Variants in GRIN2D observed in about 807,000 individuals in gnomAD.
GRIN2D encodes glutamate ionotropic receptor NMDA type subunit 2D, also known as glutamate receptor ionotropic, NMDA 2D.
A neutral mutation model predicts 103.2 loss-of-function variants in GRIN2D; 37 were observed. That is an observed-to-expected ratio of 0.36 (90% confidence interval 0.28 to 0.47). The LOEUF is 0.47. Ranked by LOEUF, GRIN2D falls within the 20% of genes least tolerant of loss-of-function variation. GRIN2D has a pLI of 1.00. For missense variants in GRIN2D, 1,557 were observed against 1,910.6 expected (o/e 0.81, Z 3.45); for synonymous variants, 845 against 885.6 (o/e 0.95, Z 0.81).
intron 11 of GRIN2D, among the ~76,000 whole-genome samples, chr19:48,433,701 A>C (rs1194142505): frequency 6.6e-6 from 1 of 152,222 alleles, no homozygotes; most frequent in Non-Finnish European, 1.5e-5. Context: ...AAAAAAGGAA[A>C]TATCAAGGCC....
Position 48,437,527 on chromosome 19 carries a change from C to G in GRIN2D, c.2253-4242C>G, listed in dbSNP as rs138536705. On this transcript the variant is annotated intron_variant, in intron 11 of 13. Transcript: ENST00000263269. ...CTGAGCAAACCATTGAAAGTGAATG[C>G]TGTTAGAGCTCCTCTTTCTGAAATC... 8.3e-4 allele frequency among the ~76,000 whole-genome samples: 127 copies of G among 152,308 alleles called. 1 individual carries two copies. Among genetic ancestry groups the G allele is most frequent in the African/African-American group, 3.0e-3 (123 of 41,566 alleles).
At chr19:48,411,660 A>G (rs1022660743) in intron 4 of GRIN2D, among the ~76,000 whole-genome samples, 16 of 151,930 alleles carry the variant, frequency 1.1e-4, no homozygotes, top group African/African-American at 3.9e-4. Context: ...ATAATAAATA[A>G]ATAAATAAAT....
chr19:48,400,100 A>G (rs1017638844), intron 3 of GRIN2D, among the ~76,000 whole-genome samples: 11 of 152,210 alleles, frequency 7.2e-5, no homozygotes, highest in African/African-American at 2.7e-4. Context: ...GGGATGGTAG[A>G]GGCTGGAGCT....
rs756151911 is a variant in GRIN2D at position 48,405,227 on chromosome 19, T to C, written c.959T>C (p.Val320Ala). Reference sequence around the variant, plus strand: ...TGGCGGGATGACCTGGCTCGGCGAGTGGCAGCTGGCGTGGCCGTAGTGGCC... The same window carrying C: ...TGGCGGGATGACCTGGCTCGGCGAGCGGCAGCTGGCGTGGCCGTAGTGGCC... The part of the protein sequence containing the change: ...AGWRDDLARR[V>A]AAGVAVVARG... Residue 320 changes from valine (V) to alanine (A), a missense_variant, in exon 4 of 14, where the codon GTG (valine) becomes GCG (alanine). Physicochemically the swap from Val to Ala is moderately conservative, Grantham distance 64. Around this residue, in one of 7 missense-constraint regions of GRIN2D, gnomAD observed 490 missense variants for 601.1 expected, o/e 0.82. Coordinates refer to ENST00000263269, the MANE Select transcript of GRIN2D (RefSeq NM_000836.4). The surrounding 1 kb of genome is among the most constrained non-coding windows in gnomAD (Gnocchi z 5.1). 1.3e-6 allele frequency: 2 copies of C among 1,597,792 alleles called. No homozygotes were observed. The highest frequency in any genetic ancestry group is 2.2e-5 in the South Asian group (2 of 90,094).
chr19:48,398,916 C>CG, intron 3 of GRIN2D, 59 bp downstream of exon 3: 1 of 285,952 alleles, frequency 3.5e-6, no homozygotes, highest in African/African-American at 4.9e-5. Flanking sequence ...CGCTGAGGGG[C>CG]GGGACTGGGA....
intron 4 of GRIN2D, among the ~76,000 whole-genome samples, chr19:48,412,130 T>G (rs1970870444): frequency 6.6e-6 from 1 of 151,000 alleles, no homozygotes; most frequent in Non-Finnish European, 1.5e-5. Context: ...ATCAAGACCA[T>G]CCTGGCTAAC....
chr19:48,429,453 G>A (rs1971130163), intron 11 of GRIN2D, among the ~76,000 whole-genome samples: 1 of 152,124 alleles, frequency 6.6e-6, no homozygotes, highest in South Asian at 2.1e-4. Flanking sequence ...AGGCTGGAGT[G>A]CAGTGGCGTG....
intron 11 of GRIN2D, among the ~76,000 whole-genome samples, chr19:48,441,149 G>A (rs1353024205): frequency 6.7e-6 from 1 of 148,412 alleles, no homozygotes; most frequent in Non-Finnish European, 1.5e-5. Context: ...TGGACCACAA[G>A]GACAGGGGTT....
At chr19:48,409,790 C>CT (rs915799572) in intron 4 of GRIN2D, among the ~76,000 whole-genome samples, 3 of 150,002 alleles carry the variant, frequency 2.0e-5, no homozygotes, top group East Asian at 2.0e-4. Flanking sequence ...TCTTTTTTTT[C>CT]TTTTTTTTGA....
chr19:48,400,442 T>C (rs1437400226), intron 3 of GRIN2D, among the ~76,000 whole-genome samples: 1 of 152,206 alleles, frequency 6.6e-6, no homozygotes, highest in Non-Finnish European at 1.5e-5. Flanking sequence ...CTCCTTGGCA[T>C]GGTACTTTTC....
chr19:48,414,178 AG>A lies in GRIN2D; in HGVS notation c.1200+75del. On this transcript the variant is annotated intron_variant, in intron 5 of 13. Transcript: ENST00000263269. This position sits in a 1 kb window ranked among gnomAD's most constrained non-coding sequence, Gnocchi z 4.6. ...TGCATCCTGGCAGAGGGGGGGCTTG[AG>A]GTCGTGGACTAAGAGGGAGGAGGGG... The A allele has an allele frequency of 9.8e-7, 1 of 1,021,116 alleles. No individual in the cohort carries two copies. The allele number at this position is 1,021,116 out of a possible 1,614,324, so 63.3% of individuals were successfully genotyped here. A position where few individuals can be genotyped will look rare whatever the true frequency, so the allele number is the denominator to read the frequency against.
At chr19:48,395,989 G>A (rs1409634931) in intron 2 of GRIN2D, among the ~76,000 whole-genome samples, 2 of 152,106 alleles carry the variant, frequency 1.3e-5, no homozygotes, top group African/African-American at 4.8e-5. Context: ...GCCTGGGGGA[G>A]GAAGGGGCTG....
At chr19:48,425,783 T>A (rs1444797946) in intron 11 of GRIN2D, among the ~76,000 whole-genome samples, 1 of 151,914 alleles carries the variant, frequency 6.6e-6, no homozygotes, top group Non-Finnish European at 1.5e-5. Flanking sequence ...ATTTTTCATC[T>A]TTTTTTTATT....
rs775261475 is a variant in GRIN2D at position 48,419,316 on chromosome 19, C to T, written c.1818C>T (p.Tyr606=). 2.5e-6 allele frequency: 4 copies of T among 1,609,750 alleles called. No homozygotes were observed. The highest frequency in any genetic ancestry group is 8.5e-7 in the Non-Finnish European group (1 of 1,179,582). ...VVAVTVFIFE[Y]LSPVGYNRSL... The stretch of plus-strand genomic sequence containing the variant: ...CCGTCACTGTTTTCATCTTCGAGTA[C>T]CTCAGTCCTGTTGGTTACAACCGCA... Residue 606 remains tyrosine (Y), a synonymous_variant, in exon 9 of 14, where the codon TAC becomes TAT. Transcript: ENST00000263269.
At chr19:48,401,903 C>G (rs770819772) in intron 3 of GRIN2D, among the ~76,000 whole-genome samples, 2 of 151,976 alleles carry the variant, frequency 1.3e-5, no homozygotes, top group Non-Finnish European at 2.9e-5. Context: ...GAGTTTGATA[C>G]CAGCCTGGCC....
chr19:48,437,670 T>C (rs1725679534), intron 11 of GRIN2D, among the ~76,000 whole-genome samples: 1 of 152,176 alleles, frequency 6.6e-6, no homozygotes, highest in Non-Finnish European at 1.5e-5. Context: ...TCCTCCCATC[T>C]TATCCCAGTC....
intron 8 of GRIN2D, among the ~76,000 whole-genome samples, chr19:48,417,854 G>A (rs1319572462): frequency 2.0e-5 from 3 of 152,080 alleles, no homozygotes; most frequent in African/African-American, 7.2e-5. Context: ...TAATCTCAAT[G>A]AAATGGTGAT....
chr19:48,426,628 A>G (rs1971091374), intron 11 of GRIN2D, among the ~76,000 whole-genome samples: 1 of 150,632 alleles, frequency 6.6e-6, no homozygotes, highest in African/African-American at 2.5e-5. Context: ...TCTGTTGCCC[A>G]GACTGGAGTC....
Position 48,416,610 on chromosome 19 carries a change from C to G in GRIN2D, c.1735+455C>G, listed in dbSNP as rs562696796. Among the ~76,000 whole-genome samples, 3 of 152,314 alleles carry G rather than the reference C, an allele frequency of 2.0e-5. No individual in the cohort carries two copies. In the East Asian group the frequency reaches 5.8e-4, roughly 29 times the overall value. On this transcript the variant is annotated intron_variant, in intron 8 of 13. Transcript: ENST00000263269. ...GTCACCATCAGTGTTTACTGAGCATCTACTATGTGCCAGGTGGTGGGCTCC... is the reference window on the plus strand; with the variant it reads ...GTCACCATCAGTGTTTACTGAGCATGTACTATGTGCCAGGTGGTGGGCTCC...
Sources: gnomAD v4.1 joint callset for allele counts (sites outside exome capture counted in the v4.1 genomes callset) on GRCh38, gnomAD v4.1.1 for gene constraint, gnomAD v4.1.1 regional missense constraint, Gnocchi (gnomAD v3.1) non-coding constraint, MANE v1.5 for transcripts, NCBI Gene and HGNC (gene_info 2026-07-23, HGNC 2026-07-21) for gene names.